The following RAP1GDS1 variants were observed in gnomAD, a reference collection of about 807,000 sequenced individuals.
The protein encoded by RAP1GDS1 is RAP1, GTP-GDP dissociation stimulator 1.
A neutral mutation model predicts 71.1 loss-of-function variants in RAP1GDS1; 35 were observed. The observed-to-expected ratio is 0.49, with a 90% CI of 0.38 to 0.65. RAP1GDS1 has a LOEUF of 0.65. Among genes scored for constraint, RAP1GDS1 ranks in the 30% least tolerant of loss-of-function variants. RAP1GDS1 has a pLI of 0.00. For synonymous variants in RAP1GDS1, 229 were observed against 243.1 expected (o/e 0.94, Z 0.54); for missense variants, 663 against 706.1 (o/e 0.94, Z 0.69).
At chr4:98,401,668 G>A (rs964351400) in intron 6 of RAP1GDS1, among the ~76,000 whole-genome samples, 15 of 152,274 alleles carry the variant, frequency 9.9e-5, no homozygotes, top group African/African-American at 3.1e-4. Flanking sequence ...GGCCTGTTGA[G>A]GATCCATGGC....
At chr4:98,309,466 G>A (rs1330432476) in intron 2 of RAP1GDS1, among the ~76,000 whole-genome samples, 2 of 151,760 alleles carry the variant, frequency 1.3e-5, no homozygotes, top group African/African-American at 4.8e-5. Context: ...ATGAATATAT[G>A]TGAATATGCA....
At chr4:98,284,152 C>G (rs139254806) in intron 1 of RAP1GDS1, among the ~76,000 whole-genome samples, 1 of 152,236 alleles carries the variant, frequency 6.6e-6, no homozygotes, top group East Asian at 1.9e-4. Context: ...ATAATAATAT[C>G]TATTTCACAA....
intron 6 of RAP1GDS1, among the ~76,000 whole-genome samples, chr4:98,394,419 CACAGGAGTT>C (rs1744211584): frequency 6.6e-6 from 1 of 152,028 alleles, no homozygotes; most frequent in African/African-American, 2.4e-5. Context: ...TGAGTTTAGT[CACAGGAGTT>C]ACAGGAGTCT....
In RAP1GDS1 at chr4:98,323,036, A is replaced by G. The variant is rs150313571; in HGVS notation, c.113-20103A>G. Among the ~76,000 whole-genome samples the G allele has an allele frequency of 7.6e-3, 1,158 of 152,010 alleles. 15 individuals are homozygous for G. Among genetic ancestry groups the G allele is most frequent in the African/African-American group, 0.027 (1,109 of 41,338 alleles). ...TGATAGACCGCTAGCAAGACTAATA[A>G]GGAAAAAAAGAGAGAAGAATCAAGT... On this transcript the variant is annotated intron_variant, in intron 2 of 14. Coordinates refer to ENST00000408927, the MANE Select transcript of RAP1GDS1 (RefSeq NM_001100427.2).
intron 2 of RAP1GDS1, among the ~76,000 whole-genome samples, chr4:98,305,562 C>T (rs766551852): frequency 1.3e-5 from 2 of 152,120 alleles, no homozygotes; most frequent in Non-Finnish European, 2.9e-5. Flanking sequence ...AGGCTTGAAT[C>T]TGGGAGAGTG....
chr4:98,343,055 T>C, intron 2 of RAP1GDS1, 84 bp from the exon 3 acceptor site: 1 of 1,393,132 alleles, frequency 7.2e-7, no homozygotes, highest in Non-Finnish European at 9.6e-7. Context: ...TGGGAAAAAT[T>C]CTTGAAGAAT....
intron 2 of RAP1GDS1, among the ~76,000 whole-genome samples, chr4:98,330,936 C>T (rs1406886466): frequency 1.3e-5 from 2 of 152,216 alleles, no homozygotes; most frequent in Non-Finnish European, 2.9e-5. Context: ...CTTTGGGAAG[C>T]CAAGGCAGGC....
intron 1 of RAP1GDS1, among the ~76,000 whole-genome samples, chr4:98,288,638 C>A (rs4557264): frequency 0.14 from 21,632 of 152,060 alleles, 2,243 homozygotes; most frequent in African/African-American, 0.29. Flanking sequence ...ACTGGTTTAC[C>A]GTCCCACCAA....
At chr4:98,318,623 G>A in intron 2 of RAP1GDS1, among the ~76,000 whole-genome samples, 1 of 152,266 alleles carries the variant, frequency 6.6e-6, no homozygotes, top group Middle Eastern at 3.4e-3. Context: ...TTGACCTTCT[G>A]GGGATATGTC....
chr4:98,381,861 A>G (rs1315054956), intron 5 of RAP1GDS1, among the ~76,000 whole-genome samples: 3 of 151,572 alleles, frequency 2.0e-5, no homozygotes, highest in African/African-American at 7.3e-5. Flanking sequence ...GAGAGTGGTC[A>G]CAAAAATCCA....
At chr4:98,344,632 A>C (rs1735972236) in intron 3 of RAP1GDS1, among the ~76,000 whole-genome samples, 1 of 152,218 alleles carries the variant, frequency 6.6e-6, no homozygotes, top group Non-Finnish European at 1.5e-5. Flanking sequence ...AGTAGATGAC[A>C]GCTATGTTCG....
intron 10 of RAP1GDS1, among the ~76,000 whole-genome samples, chr4:98,419,284 GC>G (rs1369034779): frequency 6.6e-6 from 1 of 151,978 alleles, no homozygotes; most frequent in Non-Finnish European, 1.5e-5. Context: ...GAACTCCTGG[GC>G]TCAAGCAGTC....
At chr4:98,277,071 AT>A (rs1724321346) in intron 1 of RAP1GDS1, among the ~76,000 whole-genome samples, 1 of 152,120 alleles carries the variant, frequency 6.6e-6, no homozygotes, top group African/African-American at 2.4e-5. Flanking sequence ...TGTTCTTTTT[AT>A]TATACCAGAC....
chr4:98,317,880 C>T (rs1488136799), intron 2 of RAP1GDS1, among the ~76,000 whole-genome samples: 4 of 142,472 alleles, frequency 2.8e-5, no homozygotes, highest in African/African-American at 1.1e-4. Context: ...CTTGCTCTGT[C>T]GCCCAGGCCG....
At chr4:98,266,848 A>C (rs1198752578) in intron 1 of RAP1GDS1, among the ~76,000 whole-genome samples, 1 of 152,132 alleles carries the variant, frequency 6.6e-6, no homozygotes, top group African/African-American at 2.4e-5. Context: ...GAATCTTGGA[A>C]TTTCTAGGTG....
At chr4:98,342,550 A>G (rs1480747494) in intron 2 of RAP1GDS1, among the ~76,000 whole-genome samples, 1 of 152,150 alleles carries the variant, frequency 6.6e-6, no homozygotes, top group Non-Finnish European at 1.5e-5. Flanking sequence ...GTATCACCAA[A>G]TAGAGTTCAG....
At chr4:98,363,478 C>CAAAAGAAAGAA (rs1739047165) in intron 4 of RAP1GDS1, among the ~76,000 whole-genome samples, 3 of 37,730 alleles carry the variant, frequency 8.0e-5, no homozygotes, top group African/African-American at 3.0e-4. Context: ...GACCCTGTCT[C>CAAAAGAAAGAA]AAAAAAAAAA....
At chr4:98,348,994 G>A (rs982550030) in intron 3 of RAP1GDS1, among the ~76,000 whole-genome samples, 1 of 152,040 alleles carries the variant, frequency 6.6e-6, no homozygotes, top group African/African-American at 2.4e-5. Flanking sequence ...TGTCAATTTT[G>A]GTTTTTGTTA....
chr4:98,382,506 T>C (rs1267130572), intron 5 of RAP1GDS1, among the ~76,000 whole-genome samples: 4 of 151,534 alleles, frequency 2.6e-5, no homozygotes, highest in Non-Finnish European at 5.9e-5. Context: ...TGCTATTTTT[T>C]TTTCTTCATT....
Sources: allele counts gnomAD v4.1 joint callset (sites outside exome capture counted in the v4.1 genomes callset), GRCh38; gene constraint gnomAD v4.1.1; transcripts MANE v1.5; gene names NCBI Gene and HGNC (gene_info 2026-07-23, HGNC 2026-07-21).